Variants in WIPI1 observed in about 807,000 individuals in gnomAD.
WIPI1 encodes the protein WD repeat domain, phosphoinositide interacting 1.
In WIPI1, 45 loss-of-function variants were observed where a neutral mutation model predicts 55.3. The observed-to-expected ratio is 0.81, with a 90% confidence interval of 0.64 to 1.04. The LOEUF is 1.04. WIPI1 is among the 50% of genes least tolerant of loss of function. The pLI, the probability that WIPI1 is intolerant of heterozygous loss-of-function variation, is 0.00. For synonymous variants in WIPI1, 195 were observed against 217.6 expected (o/e 0.90, Z 0.92); for missense variants, 445 against 559.0 (o/e 0.80, Z 2.06).
chr17:68,444,412 A>G, intron 4 of WIPI1, 81 bp downstream of exon 4: 1 of 1,346,336 alleles, frequency 7.4e-7, no homozygotes, highest in East Asian at 2.3e-5. Context: ...TCACGTTCGC[A>G]ATTTGGAGGA....
At chr17:68,444,151 G>A (rs929915663) in intron 4 of WIPI1, among the ~76,000 whole-genome samples, 4 of 152,102 alleles carry the variant, frequency 2.6e-5, no homozygotes, top group South Asian at 2.1e-4. Flanking sequence ...TGTACTGAAC[G>A]AACCACAAAA....
intron 11 of WIPI1, 79 bp from the exon 12 acceptor site, chr17:68,426,254 G>GGA: frequency 1.2e-6 from 1 of 816,920 alleles, no homozygotes; most frequent in Non-Finnish European, 1.9e-6. Flanking sequence ...GGGAGCGGGG[G>GGA]CTCAAATAAA....
At position 68,453,004 on chromosome 17, in the gene WIPI1, A is replaced by G. The variant is rs756347316; in HGVS notation, c.81-12T>C. On this transcript the variant is annotated splice_polypyrimidine_tract_variant and intron_variant, in intron 1 of 12. Transcript: ENST00000262139. ...CAGTTGCTAGGGATCTGTGGAGGAT[A>G]ATGACAGCATGGGAATAACGACAGG... 9.6e-5 allele frequency: 154 copies of G among 1,605,286 alleles called. No homozygotes were observed. The highest frequency in any genetic ancestry group is 1.3e-4 in the Non-Finnish European group (149 of 1,172,248).
At chr17:68,435,365 T>C (rs2083733730) in intron 6 of WIPI1, among the ~76,000 whole-genome samples, 1 of 152,234 alleles carries the variant, frequency 6.6e-6, no homozygotes, top group Non-Finnish European at 1.5e-5. Flanking sequence ...ACACGTACAT[T>C]TCTTCATAAG....
intron 8 of WIPI1, among the ~76,000 whole-genome samples, chr17:68,431,790 A>AG (rs2083538197): frequency 6.7e-6 from 1 of 150,016 alleles, no homozygotes; most frequent in South Asian, 2.1e-4. Context: ...GAGAACCCAG[A>AG]ACAGCTTGGA....
chr17:68,433,784 T>TGTTTTTTTG (rs2083646367), intron 7 of WIPI1, among the ~76,000 whole-genome samples: 2 of 86,936 alleles, frequency 2.3e-5, no homozygotes, highest in African/African-American at 7.8e-5. Flanking sequence ...TTTTTTTTTT[T>TGTTTTTTTG]TTTTTTTTTT....
Position 68,429,991 on chromosome 17 carries a change from C to A in WIPI1, c.965+5G>T, listed in dbSNP as rs752403833. ...CTTGTTCAGAGTGGGTGTCATTGTA[C>A]GTACGTTGAGAGGGTACAGATGTTC... On this transcript the variant is annotated splice_donor_5th_base_variant and intron_variant, in intron 9 of 12. Transcript: ENST00000262139. The A allele has an allele frequency of 6.2e-7, 1 of 1,613,968 alleles. No individual in the cohort carries two copies. Among genetic ancestry groups the A allele is most frequent in the East Asian group, 2.2e-5 (1 of 44,884 alleles).
intron 4 of WIPI1, among the ~76,000 whole-genome samples, chr17:68,438,361 C>A (rs1201851736): frequency 3.3e-5 from 5 of 152,190 alleles, no homozygotes; most frequent in African/African-American, 9.7e-5. Flanking sequence ...CTTCTGAATT[C>A]TTTGCTATCC....
At chr17:68,430,724 A>ACTT (rs1391151650) in intron 8 of WIPI1, among the ~76,000 whole-genome samples, 1 of 152,136 alleles carries the variant, frequency 6.6e-6, no homozygotes, top group Non-Finnish European at 1.5e-5. Context: ...CAGTCATGGA[A>ACTT]CTTCATCCCA....
At chr17:68,449,457 A>G (rs2084412421) in intron 3 of WIPI1, among the ~76,000 whole-genome samples, 1 of 152,192 alleles carries the variant, frequency 6.6e-6, no homozygotes, top group Non-Finnish European at 1.5e-5. Flanking sequence ...AAACACTGTA[A>G]TATGATTCAG....
Position 68,435,712 on chromosome 17 carries a change from T to A in WIPI1, c.529A>T (p.Lys177Ter). ...EIVLYDGNSL[K>*]TVCTIAAHEG... ...TGGGCAGCAATAGTGCAGACTGTTT[T>A]CTGTTGGTGAAAAGGAAAAATGGAT... is the stretch of plus-strand genomic sequence containing the variant. The change falls in exon 6 of 13, where the codon AAA becomes TAA. Residue 177 changes from lysine (K) to a stop codon, truncating the protein, a stop_gained and splice_region_variant. Transcript: ENST00000262139. LOFTEE classifies it high-confidence loss of function. 1.2e-6 allele frequency: 2 copies of A among 1,614,174 alleles called. No individual in the cohort carries two copies. The highest frequency in any genetic ancestry group is 1.7e-6 in the Non-Finnish European group (2 of 1,180,008).
intron 11 of WIPI1, 78 bp from the exon 12 acceptor site, chr17:68,426,253 G>GGCCCCCCCC: frequency 1.2e-6 from 1 of 841,012 alleles, no homozygotes; most frequent in East Asian, 3.4e-5. Flanking sequence ...GGGGAGCGGG[G>GGCCCCCCCC]GCTCAAATAA....
In WIPI1 at chr17:68,433,476, G is replaced by A; in HGVS notation, c.792C>T (p.Val264=). Residue 264 remains valine, a synonymous_variant, in exon 8 of 13, where the codon GTC becomes GTT. Coordinates refer to ENST00000262139, the MANE Select transcript of WIPI1 (RefSeq NM_017983.7). ...ETVHIFKLEQ[V]TNSRPEEPST... ...CCCCGCGGAGTACTTGCCTGTTGGT[G>A]ACCTGTTCCAGCTTGAAGATGTGTA... 2 of 1,614,004 alleles carry A rather than the reference G, an allele frequency of 1.2e-6. No individual in the cohort carries two copies. The highest frequency in any genetic ancestry group is 1.7e-6 in the Non-Finnish European group (2 of 1,179,986).
intron 1 of WIPI1, among the ~76,000 whole-genome samples, chr17:68,456,420 C>T (rs2084646492): frequency 6.6e-6 from 1 of 152,202 alleles, no homozygotes. Flanking sequence ...GGGAATCGGT[C>T]ATCCCCGCCT....
At chr17:68,424,688 C>T (rs2083038374) in intron 12 of WIPI1, 1 of 343,154 alleles carries the variant, frequency 2.9e-6, no homozygotes, top group Admixed American at 4.1e-5. Context: ...CCAGCGTGAC[C>T]AACATGGTGA....
chr17:68,444,436 G>C, intron 4 of WIPI1, 57 bp downstream of exon 4: 3 of 1,507,458 alleles, frequency 2.0e-6, no homozygotes, highest in Non-Finnish European at 2.7e-6. Flanking sequence ...TAAAGCTTGG[G>C]AAAGAAGCAC....
chr17:68,430,943 A>G lies in WIPI1; in HGVS notation c.801-783T>C, dbSNP rs565542503. Among the ~76,000 whole-genome samples, 10 of 152,258 alleles carry G rather than the reference A, an allele frequency of 6.6e-5. No homozygotes were observed. The East Asian group carries it at 1.9e-3, about 29-fold the overall frequency. ...AGAGCTCTGGGAGGTATTCTTTACT[A>G]TGCTACCAATGGGCTAGGGGGTCTT... On this transcript the variant is annotated intron_variant, in intron 8 of 12. Transcript: ENST00000262139.
Position 68,429,311 on chromosome 17 carries a change from T to C in WIPI1, c.966-375A>G, listed in dbSNP as rs2083404767. On this transcript the variant is annotated intron_variant, in intron 9 of 12. Transcript: ENST00000262139. ...TGGAGGATTGGCTTACTGTCTTTGCTGGTTAGTTTTGTGAAATTTTAAAAA... is the reference window on the plus strand; with the variant it reads ...TGGAGGATTGGCTTACTGTCTTTGCCGGTTAGTTTTGTGAAATTTTAAAAA... Among the ~76,000 whole-genome samples, 5 of 152,250 alleles carry C rather than the reference T, an allele frequency of 3.3e-5. No individual in the cohort carries two copies. In the South Asian group the frequency reaches 1.0e-3, roughly 32 times the overall value.
At chr17:68,450,487 G>C (rs1393434498) in intron 3 of WIPI1, among the ~76,000 whole-genome samples, 1 of 152,218 alleles carries the variant, frequency 6.6e-6, no homozygotes, top group Non-Finnish European at 1.5e-5. Context: ...AGAGGGTGCA[G>C]CCTACCAGTC....
Sources: gnomAD v4.1 joint callset for allele counts (sites outside exome capture counted in the v4.1 genomes callset) on GRCh38, gnomAD v4.1.1 for gene constraint, MANE v1.5 for transcripts, NCBI Gene and HGNC (gene_info 2026-07-23, HGNC 2026-07-21) for gene names.